SEMA4D: variants seen among roughly 807,000 people sequenced by gnomAD.
SEMA4D encodes semaphorin 4D, also known as semaphorin-4D.
In SEMA4D, 22 loss-of-function variants were observed where a neutral mutation model predicts 74.8. That is an observed-to-expected ratio of 0.29 (90% CI 0.21 to 0.42). The LOEUF (loss-of-function observed/expected upper bound fraction) is 0.42, where lower values mean the gene tolerates loss of function less well. Ranked by LOEUF, SEMA4D falls within the 10% of genes least tolerant of loss-of-function variation. SEMA4D has a pLI of 1.00. For synonymous variants in SEMA4D, 445 were observed against 463.7 expected, an observed-to-expected ratio of 0.96 and a Z score of 0.52; for missense variants, 937 against 1,118.4, an observed-to-expected ratio of 0.84 and a Z score of 2.31.
At chr9:89,482,663 G>A (rs1388172534) in intron 1 of SEMA4D, among the ~76,000 whole-genome samples, 1 of 152,190 alleles carries the variant, frequency 6.6e-6, no homozygotes, top group African/African-American at 2.4e-5. Context: ...TTTTCCGTCT[G>A]TAGCAACTAC....
intron 16 of SEMA4D, among the ~76,000 whole-genome samples, chr9:89,372,039 G>GT (rs1835050754): frequency 1.1e-5 from 1 of 94,366 alleles, no homozygotes. Flanking sequence ...TGTGTGTTGG[G>GT]GTGTGTGTGT....
In SEMA4D at chr9:89,484,457, TTG is replaced by T. The variant is rs147465461; in HGVS notation, c.-310+13460_-310+13461del. Among the ~76,000 whole-genome samples the T allele has an allele frequency of 2.0e-4, 29 of 146,452 alleles. No individual in the cohort carries two copies. Among genetic ancestry groups the T allele is most frequent in the African/African-American group, 6.1e-4 (24 of 39,526 alleles). On this transcript the variant is annotated intron_variant, in intron 1 of 15. Transcript: ENST00000422704. This position sits in a 1 kb window ranked among gnomAD's most constrained non-coding sequence, Gnocchi z 4.1. ...GTGTACAGTGTGTGTTGTGTGTGTTTTGTGTGTGTGTGTGGCATGGTATGTGT... is the reference window on the plus strand; with the variant it reads ...GTGTACAGTGTGTGTTGTGTGTGTTTTGTGTGTGTGTGGCATGGTATGTGT...
chr9:89,370,539 G>A (rs1834416462), intron 16 of SEMA4D, among the ~76,000 whole-genome samples: 1 of 151,114 alleles, frequency 6.6e-6, no homozygotes, highest in African/African-American at 2.4e-5. Flanking sequence ...TGTGGCATGT[G>A]GTGTGAGGGG....
Position 89,381,566 on chromosome 9 carries a change from A to G in SEMA4D, c.1447-220T>C. 2.3e-6 allele frequency: 1 copy of G among 441,084 alleles called. No homozygotes were observed. The highest frequency in any genetic ancestry group is 4.0e-6 in the Non-Finnish European group (1 of 251,022). The allele number at this position is 441,084 out of a possible 1,614,324, so 27.3% of individuals were successfully genotyped here. A position where few individuals can be genotyped will look rare whatever the true frequency, so the allele number is the denominator to read the frequency against. On this transcript the variant is annotated intron_variant, in intron 13 of 15. Transcript: ENST00000422704. This position sits in a 1 kb window ranked among gnomAD's most constrained non-coding sequence, Gnocchi z 4.6. ...TCAGGGCTCACTGGGCCTTAGGTCC[A>G]AATCCCTCTCTCCCCTGTCTGGGCA...
chr9:89,377,176 C>T (rs902719562), downstream of SEMA4D: 29 of 1,404,426 alleles, frequency 2.1e-5, no homozygotes, highest in African/African-American at 2.9e-4. Context: ...AGCTGTCCCG[C>T]CTGGGCCATG....
At chr9:89,396,465 C>A (rs1241474396) in intron 6 of SEMA4D, among the ~76,000 whole-genome samples, 1 of 152,220 alleles carries the variant, frequency 6.6e-6, no homozygotes, top group Non-Finnish European at 1.5e-5. Flanking sequence ...GCACTAGCAC[C>A]AAGGGCTCCC....
intron 1 of SEMA4D, among the ~76,000 whole-genome samples, chr9:89,463,415 C>T (rs1018456351): frequency 1.3e-5 from 2 of 152,220 alleles, no homozygotes; most frequent in Non-Finnish European, 2.9e-5. Context: ...TGGTCCTCTT[C>T]GTAGACAGGG....
intron 2 of SEMA4D, among the ~76,000 whole-genome samples, chr9:89,420,486 ATCCTCTCC>A (rs1846680756): frequency 1.3e-5 from 2 of 152,196 alleles, no homozygotes; most frequent in Non-Finnish European, 2.9e-5. Flanking sequence ...TGGCCTTCAC[ATCCTCTCC>A]TGGTGCACCC....
intron 16 of SEMA4D, among the ~76,000 whole-genome samples, chr9:89,369,678 T>C (rs1161028534): frequency 2.6e-5 from 4 of 152,394 alleles, no homozygotes; most frequent in African/African-American, 4.8e-5. Context: ...TTCACCCATC[T>C]GTATTCTGAG....
exon 17 of SEMA4D, chr9:89,363,924 C>G: frequency 6.2e-7 from 1 of 1,614,092 alleles, no homozygotes; most frequent in Non-Finnish European, 8.5e-7. Flanking sequence ...CCATTCTTCT[C>G]CCAGACAAAG....
chr9:89,491,092 C>A (rs182641042), intron 1 of SEMA4D, among the ~76,000 whole-genome samples: 2 of 152,336 alleles, frequency 1.3e-5, no homozygotes, highest in Non-Finnish European at 1.5e-5. Context: ...TGTCATAATT[C>A]ATGTCAATAA....
At chr9:89,458,247 G>A (rs1262633064) in intron 1 of SEMA4D, among the ~76,000 whole-genome samples, 1 of 152,148 alleles carries the variant, frequency 6.6e-6, no homozygotes, top group Non-Finnish European at 1.5e-5. Flanking sequence ...GGTTTTTCGT[G>A]CTGTGGAGTG....
chr9:89,490,068 T>C (rs1189388756), intron 1 of SEMA4D, among the ~76,000 whole-genome samples: 1 of 151,858 alleles, frequency 6.6e-6, no homozygotes, highest in East Asian at 1.9e-4. Flanking sequence ...GGGTGCGAGA[T>C]GGTATCTCAC....
intron 16 of SEMA4D, among the ~76,000 whole-genome samples, chr9:89,371,003 G>GTGTGT (rs2132426392): frequency 1.5e-5 from 2 of 132,666 alleles, no homozygotes; most frequent in South Asian, 5.2e-4. Context: ...GGGGTATGTC[G>GTGTGT]GGGTGTGGGG....
At chr9:89,365,438 G>A (rs780015729) in intron 16 of SEMA4D, 14 of 152,408 alleles carry the variant, frequency 9.2e-5, no homozygotes, top group Non-Finnish European at 1.6e-4. Context: ...GCCCTTCCTC[G>A]AGGCCCACCA....
At chr9:89,400,620 C>T (rs1212428434) in intron 4 of SEMA4D, among the ~76,000 whole-genome samples, 1 of 152,148 alleles carries the variant, frequency 6.6e-6, no homozygotes, top group East Asian at 1.9e-4. Flanking sequence ...CACACAAAAG[C>T]GGAACAGAGT....
intron 2 of SEMA4D, among the ~76,000 whole-genome samples, chr9:89,425,149 A>G (rs10908922): frequency 0.18 from 26,680 of 152,190 alleles, 2,795 homozygotes; most frequent in Middle Eastern, 0.27. Context: ...ACTGGCAGCC[A>G]GGACCGAGAA....
chr9:89,463,663 T>C (rs1407149392), intron 1 of SEMA4D, among the ~76,000 whole-genome samples: 1 of 152,196 alleles, frequency 6.6e-6, no homozygotes, highest in Non-Finnish European at 1.5e-5. Context: ...GGGCCGGGCA[T>C]GGTGGCTCAC....
At chr9:89,418,233 T>C (rs1482902113) in intron 2 of SEMA4D, 26 of 669,118 alleles carry the variant, frequency 3.9e-5, no homozygotes, top group Non-Finnish European at 4.8e-5. Context: ...TTAAACCTTC[T>C]AGACTTCCTT....
Sources: allele counts gnomAD v4.1 joint callset (sites outside exome capture counted in the v4.1 genomes callset), GRCh38; gene constraint gnomAD v4.1.1; non-coding constraint Gnocchi (gnomAD v3.1); transcripts MANE v1.5; gene names NCBI Gene and HGNC (gene_info 2026-07-23, HGNC 2026-07-21).